Variants in MTMR8 observed in about 807,000 individuals in gnomAD.
The protein encoded by MTMR8 is myotubularin related protein 8, also known as phosphatidylinositol-3,5-bisphosphate 3-phosphatase MTMR8.
Under a neutral mutation model 39.3 loss-of-function variants are expected in MTMR8, and 65 were observed. That is an observed-to-expected ratio of 1.65 (90% CI 1.35 to 2.03). The LOEUF is 2.03. Among genes scored for constraint, MTMR8 ranks in the 30% most tolerant of loss-of-function variants. MTMR8 has a pLI of 0.00. For synonymous variants in MTMR8, 245 were observed against 185.2 expected (o/e 1.32, Z -2.62); for missense variants, 777 against 538.9 (o/e 1.44, Z -4.37).
At chrX:64,323,017 C>A (rs1174270204) in intron 12 of MTMR8, among the ~76,000 whole-genome samples, 1 of 112,788 alleles carries the variant, frequency 8.9e-6, no homozygotes, top group Non-Finnish European at 1.9e-5. Context: ...CGCTCACTAG[C>A]CAGGCATGTT....
At chrX:64,362,518 A>G (rs1247899742) in intron 1 of MTMR8, among the ~76,000 whole-genome samples, 7 of 99,527 alleles carry the variant, frequency 7.0e-5, no homozygotes. Context: ...AAATAAACCA[A>G]TGGAAAAGGA....
intron 12 of MTMR8, among the ~76,000 whole-genome samples, chrX:64,276,112 T>C (rs942994493): frequency 3.6e-5 from 4 of 111,938 alleles, no homozygotes; most frequent in Non-Finnish European, 7.5e-5. Flanking sequence ...TCTATCTATT[T>C]TGTTGATCTT....
Position 64,268,970 on chromosome X carries a change from T to G in MTMR8, c.1682A>C (p.His561Pro), listed in dbSNP as rs760861340. Residue 561 changes from histidine (H) to proline (P), a missense_variant, in exon 14 of 14, where the codon CAT (histidine) becomes CCT (proline). Transcript: ENST00000374852. ...AGGATTGGTCAAAGGACTTCCCAGA[T>G]GCTGGGATAATATGTTTCCTAATTG... ...CSQLGNILSQ[H>P]LGSPLTNPLG... 5.8e-6 allele frequency: 7 copies of G among 1,208,864 alleles called. No individual in the cohort carries two copies. Among genetic ancestry groups the G allele is most frequent in the Non-Finnish European group, 6.7e-6 (6 of 894,165 alleles).
chrX:64,364,486 G>A (rs1021199899), intron 1 of MTMR8, among the ~76,000 whole-genome samples: 11 of 111,838 alleles, frequency 9.8e-5, no homozygotes, highest in African/African-American at 2.3e-4. Flanking sequence ...GGAGTGGACC[G>A]CCAGCAAACT....
At chrX:64,288,534 A>G (rs199735206) in intron 12 of MTMR8, among the ~76,000 whole-genome samples, 3 of 111,813 alleles carry the variant, frequency 2.7e-5, no homozygotes, top group Non-Finnish European at 5.6e-5. Context: ...ACCCAAAGGA[A>G]TATAAATCAT....
At chrX:64,386,427 G>T (rs757246889) in intron 1 of MTMR8, among the ~76,000 whole-genome samples, 14 of 111,746 alleles carry the variant, frequency 1.3e-4, no homozygotes, top group African/African-American at 2.3e-4. Flanking sequence ...TGAAAAGCCA[G>T]AGGGACCAGT....
At chrX:64,376,073 C>A (rs1443693457) in intron 1 of MTMR8, among the ~76,000 whole-genome samples, 1 of 112,192 alleles carries the variant, frequency 8.9e-6, no homozygotes, top group Non-Finnish European at 1.9e-5. Flanking sequence ...GAGGCTTCTC[C>A]AGCCATGCTT....
chrX:64,388,286 C>T (rs1324928951), intron 1 of MTMR8, among the ~76,000 whole-genome samples: 1 of 112,016 alleles, frequency 8.9e-6, no homozygotes, highest in African/African-American at 3.3e-5. Context: ...GTCATTGCCC[C>T]CAACAGCAGA....
At chrX:64,332,062 G>A (rs1037528091) in intron 10 of MTMR8, among the ~76,000 whole-genome samples, 14 of 111,855 alleles carry the variant, frequency 1.3e-4, no homozygotes, top group African/African-American at 4.6e-4. Flanking sequence ...GTCCAATATA[G>A]CAGCCACTAA....
intron 1 of MTMR8, among the ~76,000 whole-genome samples, chrX:64,363,614 T>C (rs1923857547): frequency 8.9e-6 from 1 of 112,019 alleles, no homozygotes; most frequent in South Asian, 3.7e-4. Flanking sequence ...TTACTCAGTC[T>C]CTTCTTTTCT....
At chrX:64,335,630 T>G (rs1245614815) in intron 10 of MTMR8, among the ~76,000 whole-genome samples, 1 of 111,986 alleles carries the variant, frequency 8.9e-6, no homozygotes, top group Non-Finnish European at 1.9e-5. Context: ...AATCTGCCCC[T>G]TTTATCTTAC....
chrX:64,314,797 G>A (rs1045263911), intron 12 of MTMR8, among the ~76,000 whole-genome samples: 1 of 112,162 alleles, frequency 8.9e-6, no homozygotes, highest in African/African-American at 3.2e-5. Flanking sequence ...GGGTGGGATG[G>A]TACGTGACCT....
intron 1 of MTMR8, among the ~76,000 whole-genome samples, chrX:64,361,352 T>G (rs1366918314): frequency 9.0e-6 from 1 of 111,589 alleles, no homozygotes; most frequent in Non-Finnish European, 1.9e-5. Context: ...TGAGGGCAAT[T>G]TAATCTTGAT....
chrX:64,268,814 C>T lies in MTMR8; in HGVS notation c.1838G>A (p.Cys613Tyr). The T allele has an allele frequency of 8.3e-7, 1 of 1,211,757 alleles. No homozygotes were observed. The highest frequency in any genetic ancestry group is 1.1e-6 in the Non-Finnish European group (1 of 895,542). The change falls in exon 14 of 14, where the codon TGT (cysteine) becomes TAT (tyrosine). Residue 613 changes from cysteine (C) to tyrosine (Y), a missense_variant. Transcript: ENST00000374852. Reference sequence around the variant, plus strand: ...GGCCCTAAGGCTGCCCACAATCTCACAACAGTTATGGTGGAGGTCTGCACC... The same window carrying T: ...GGCCCTAAGGCTGCCCACAATCTCATAACAGTTATGGTGGAGGTCTGCACC... ...SQGADLHHNC[C>Y]EIVGSLRAIN...
At chrX:64,269,223 C>T (rs961801615) in intron 13 of MTMR8, among the ~76,000 whole-genome samples, 180 bp from the exon 14 acceptor site, 7 of 111,160 alleles carry the variant, frequency 6.3e-5, no homozygotes, top group Non-Finnish European at 1.3e-4. Flanking sequence ...TTTAGAAGCC[C>T]TACCATTGAA....
intron 11 of MTMR8, among the ~76,000 whole-genome samples, chrX:64,329,972 C>A (rs1487264535): frequency 9.0e-6 from 1 of 111,579 alleles, no homozygotes; most frequent in Non-Finnish European, 1.9e-5. Flanking sequence ...GAAAATGAGA[C>A]TAAATATTAA....
At chrX:64,270,162 T>A (rs1397201847) in intron 13 of MTMR8, among the ~76,000 whole-genome samples, 2 of 110,674 alleles carry the variant, frequency 1.8e-5, no homozygotes, top group Non-Finnish European at 3.8e-5. Flanking sequence ...CCTCCACCTT[T>A]AAAAAAAATG....
chrX:64,354,913 G>C lies in MTMR8; in HGVS notation c.332C>G (p.Ala111Gly). 3 of 1,197,027 alleles carry C rather than the reference G, an allele frequency of 2.5e-6. No homozygotes were observed. Among genetic ancestry groups the C allele is most frequent in the Non-Finnish European group, 3.4e-6 (3 of 889,017 alleles). ...TGAGGATTTGGGATTATAAGAAAAA[G>C]CATAAAGATCTTCAGGTAATGCTGG... ...SQPALPEDLY[A>G]FSYNPKSSKE... is the part of the protein sequence containing the mutation. Residue 111 changes from alanine (A) to glycine (G), a missense_variant, in exon 4 of 14, where the codon GCT (alanine) becomes GGT (glycine). Transcript: ENST00000374852.
rs533781070 is a variant in MTMR8, at chrX:64,280,212, T to C, written c.1482-9139A>G. 7.1e-5 allele frequency among the ~76,000 whole-genome samples: 8 copies of C among 111,948 alleles called. No individual in the cohort carries two copies. The South Asian group carries it at 2.6e-3, about 37-fold the overall frequency. ...AACTCACTTTATGAGGCCAGCATCA[T>C]CCTGATACCAAAACCTGGCAGAGAC... On this transcript the variant is annotated intron_variant, in intron 12 of 13. Coordinates refer to ENST00000374852, the MANE Select transcript of MTMR8 (RefSeq NM_017677.4).
Sources: allele counts gnomAD v4.1 joint callset (sites outside exome capture counted in the v4.1 genomes callset), GRCh38; gene constraint gnomAD v4.1.1; transcripts MANE v1.5; gene names NCBI Gene and HGNC (gene_info 2026-07-23, HGNC 2026-07-21).